The following KCTD17 variants were observed in gnomAD, a reference collection of about 807,000 sequenced individuals.
KCTD17 encodes potassium channel tetramerization domain containing 17, also known as BTB/POZ domain-containing protein KCTD17.
In KCTD17, 20 loss-of-function variants were observed where a neutral mutation model predicts 41.5. The ratio of observed to expected loss-of-function variants is 0.48; its 90% CI spans 0.34 to 0.70. The LOEUF (loss-of-function observed/expected upper bound fraction) is 0.70. KCTD17 is among the 30% of genes least tolerant of loss of function. The probability of loss-of-function intolerance (pLI) is 0.01; values close to 1 mark genes in which losing one functional copy is unlikely to be tolerated. For missense variants in KCTD17, 317 were observed against 427.2 expected, an observed-to-expected ratio of 0.74 and a Z score of 2.27; for synonymous variants, 156 against 173.8, an observed-to-expected ratio of 0.90 and a Z score of 0.80.
chr22:37,059,611 C>T, intron 5 of KCTD17, 173 bp downstream of exon 5: 1 of 763,758 alleles, frequency 1.3e-6, no homozygotes, highest in South Asian at 1.8e-5. Flanking sequence ...TGCCGTTACC[C>T]AGGCCCAGGC....
At position 37,056,245 on chromosome 22, in the gene KCTD17, G is replaced by A. The variant is rs527878635; in HGVS notation, c.299-75G>A. Reference sequence around the variant, plus strand: ...GTGATCAGAGCGAGAGGTGGGTTTCGGGGTGGAGGGAACAAGAGGAGAATG... The same window carrying A: ...GTGATCAGAGCGAGAGGTGGGTTTCAGGGTGGAGGGAACAAGAGGAGAATG... On this transcript the variant is annotated intron_variant, in intron 2 of 8. Coordinates refer to ENST00000403888, the MANE Select transcript of KCTD17 (RefSeq NM_001282684.2). The A allele has an allele frequency of 2.3e-4, 300 of 1,319,582 alleles. 2 individuals are homozygous for A. In the East Asian group the frequency reaches 5.4e-3, roughly 24 times the overall value. The allele number at this position is 1,319,582 out of a possible 1,614,324, so 81.7% of individuals were successfully genotyped here.
At position 37,059,376 on chromosome 22, in the gene KCTD17, G is replaced by A; in HGVS notation, c.550G>A (p.Val184Met). ...SEDQAEFLCV[V>M]SKELHSTPNG... The stretch of plus-strand genomic sequence containing the variant: ...GGACCAGGCAGAGTTCCTGTGTGTG[G>A]TGTCCAAGGAGCTCCACAGCACCCC... Residue 184 changes from valine to methionine, a missense_variant, in exon 5 of 9, where the codon GTG (valine) becomes ATG (methionine). Val to Met is a conservative substitution (Grantham distance 21). Around this residue, in one of 4 missense-constraint regions of KCTD17, gnomAD observed 177 missense variants for 194.4 expected, o/e 0.91. Transcript: ENST00000403888. 1 of 1,613,080 alleles carries A rather than the reference G, an allele frequency of 6.2e-7. No individual in the cohort carries two copies. Among genetic ancestry groups the A allele is most frequent in the Non-Finnish European group, 8.5e-7 (1 of 1,179,846 alleles).
rs750023360 is a variant in KCTD17, at chr22:37,056,320, G to C, written c.299G>C (p.Gly100Ala). 3.3e-5 allele frequency: 54 copies of C among 1,612,200 alleles called. No homozygotes were observed. In the Admixed American group the frequency reaches 7.0e-4, roughly 21 times the overall value. The change falls in exon 3 of 9, where the codon GGG becomes GCG. Residue 100 changes from glycine to alanine, a missense_variant and splice_region_variant. Gly to Ala is a moderately conservative substitution (Grantham distance 60). This residue lies in a region of KCTD17 where 99 missense variants were observed against 166.5 expected (regional missense o/e 0.59). Transcript: ENST00000403888. ...LVLDKDMAEE[G>A]VLEEAEFYNI... ...CTGGGATCTGTTCTGTCTGTGCCAGGGGTCCTGGAGGAAGCCGAGTTCTAC... is the reference window on the plus strand; with the variant it reads ...CTGGGATCTGTTCTGTCTGTGCCAGCGGTCCTGGAGGAAGCCGAGTTCTAC...
chr22:37,061,816 C>G lies in KCTD17; in HGVS notation c.875+187C>G, dbSNP rs1373845529. The G allele has an allele frequency of 1.0e-6, 1 of 985,224 alleles. No homozygotes were observed. Among genetic ancestry groups the G allele is most frequent in the African/African-American group, 1.7e-5 (1 of 57,154 alleles). 61.0% of individuals were successfully genotyped at this position (985,224 alleles called of 1,614,324 possible). ...AGGGAGTGGGAACTTTCCTACCAGC[C>G]CATCAGCACCAGAGCCAGGCTGGTG... On this transcript the variant is annotated intron_variant, in intron 8 of 8. Coordinates refer to ENST00000403888, the MANE Select transcript of KCTD17 (RefSeq NM_001282684.2). This position sits in a 1 kb window ranked among gnomAD's most constrained non-coding sequence, Gnocchi z 6.6.
Position 37,062,565 on chromosome 22 carries a change from C to G in KCTD17, c.916C>G (p.His306Asp), listed in dbSNP as rs146711968. The G allele has an allele frequency of 2.6e-3, 4,247 of 1,613,498 alleles. 12 individuals are homozygous for G. Among genetic ancestry groups the G allele is most frequent in the Non-Finnish European group, 3.3e-3 (3,929 of 1,179,756 alleles). ...PEAPGCEAPDHLQGLGVPI is the reference protein window; with the variant it reads ...PEAPGCEAPDDLQGLGVPI ...GGCACCCGGATGTGAGGCCCCAGAT[C>G]ACCTCCAGGGACTTGGGGTTCCCAT... Residue 306 changes from histidine to aspartate, a missense_variant, in exon 9 of 9, where the codon CAC becomes GAC. Physicochemically the swap from His to Asp is moderately conservative, Grantham distance 81. This residue lies in a region of KCTD17 where 177 missense variants were observed against 194.4 expected (regional missense o/e 0.91). Coordinates refer to ENST00000403888, the MANE Select transcript of KCTD17 (RefSeq NM_001282684.2).
intron 5 of KCTD17, 151 bp from the exon 6 acceptor site, chr22:37,060,672 A>G: frequency 8.4e-7 from 1 of 1,195,696 alleles, no homozygotes. Context: ...ACCGGAGAAG[A>G]TGCCCCCAGC....
intron 4 of KCTD17, 30 bp downstream of exon 4, chr22:37,057,523 G>T: frequency 6.3e-7 from 1 of 1,577,500 alleles, no homozygotes; most frequent in Non-Finnish European, 8.6e-7. Context: ...GTGCCACCAG[G>T]ACAACCCTGG....
intron 5 of KCTD17, 183 bp downstream of exon 5, chr22:37,059,621 C>G: frequency 5.5e-6 from 4 of 722,204 alleles, no homozygotes; most frequent in Middle Eastern, 4.0e-4. Flanking sequence ...CAGGCCCAGG[C>G]TGGGAGCAGT....
At chr22:37,059,105 G>A (rs1045581303) in intron 4 of KCTD17, among the ~76,000 whole-genome samples, 1 of 152,182 alleles carries the variant, frequency 6.6e-6, no homozygotes, top group Non-Finnish European at 1.5e-5. Context: ...GGCTGGTCCT[G>A]GGGCACAGAC....
In KCTD17 at chr22:37,061,544, C is replaced by G; in HGVS notation, c.790C>G (p.Arg264Gly). The G allele has an allele frequency of 1.9e-6, 3 of 1,601,502 alleles. No individual in the cohort carries two copies. Among genetic ancestry groups the G allele is most frequent in the Non-Finnish European group, 2.5e-6 (3 of 1,179,612 alleles). The change falls in exon 8 of 9, where the codon CGT (arginine) becomes GGT (glycine). Residue 264 changes from arginine to glycine, a missense_variant. Physicochemically the swap from Arg to Gly is moderately radical, Grantham distance 125. Coordinates refer to ENST00000403888, the MANE Select transcript of KCTD17 (RefSeq NM_001282684.2). This position sits in a 1 kb window ranked among gnomAD's most constrained non-coding sequence, Gnocchi z 6.6. ...PPPPLPAGGS[R>G]PHPLRPEAEL... Reference sequence around the variant, plus strand: ...CTCACGTTTCCTCCTTGCAGGTTCCCGTCCGCACCCTCTCAGACCTGAGGC... The same window carrying G: ...CTCACGTTTCCTCCTTGCAGGTTCCGGTCCGCACCCTCTCAGACCTGAGGC...
chr22:37,061,609 C>G lies in KCTD17; in HGVS notation c.855C>G (p.Arg285=), dbSNP rs774983583. The G allele has an allele frequency of 1.3e-6, 2 of 1,599,202 alleles. No homozygotes were observed. Among genetic ancestry groups the G allele is most frequent in the African/African-American group, 1.3e-5 (1 of 74,900 alleles). The part of the protein sequence containing the change: ...AVRASPRPLA[R]PQSCHPCCYK... ...GGGCTTCTCCTCGGCCCCTCGCCCG[C>G]CCCCAGAGCTGCCATCCCTGGTTTG... The change falls in exon 8 of 9, where the codon CGC becomes CGG. Residue 285 remains arginine, a synonymous_variant. Coordinates refer to ENST00000403888, the MANE Select transcript of KCTD17 (RefSeq NM_001282684.2). This position sits in a 1 kb window ranked among gnomAD's most constrained non-coding sequence, Gnocchi z 6.6.
Sources: allele counts gnomAD v4.1 joint callset (sites outside exome capture counted in the v4.1 genomes callset), GRCh38; gene constraint gnomAD v4.1.1; regional missense constraint gnomAD v4.1.1; non-coding constraint Gnocchi (gnomAD v3.1); transcripts MANE v1.5; gene names NCBI Gene and HGNC (gene_info 2026-07-23, HGNC 2026-07-21).